HS6ST3: variants seen among roughly 807,000 people sequenced by gnomAD.
The protein encoded by HS6ST3 is heparan sulfate 6-O-sulfotransferase 3.
A neutral mutation model predicts 36.7 loss-of-function variants in HS6ST3; 12 were observed. That is an observed-to-expected ratio of 0.33 (90% confidence interval 0.21 to 0.53). HS6ST3 has a LOEUF of 0.53. Among genes scored for constraint, HS6ST3 ranks in the 20% least tolerant of loss-of-function variants. The pLI, the probability that HS6ST3 is intolerant of heterozygous loss-of-function variation, is 0.95. For missense variants in HS6ST3, 584 were observed against 640.9 expected, an observed-to-expected ratio of 0.91 and a Z score of 0.96; for synonymous variants, 240 against 257.5, an observed-to-expected ratio of 0.93 and a Z score of 0.65.
intron 1 of HS6ST3, among the ~76,000 whole-genome samples, chr13:96,496,181 CCT>C (rs1057115266): frequency 1.3e-5 from 2 of 152,180 alleles, no homozygotes; most frequent in African/African-American, 4.8e-5. Context: ...ATGCCCCACC[CCT>C]GACTACAGTG....
At chr13:96,520,529 C>T (rs2056088990) in intron 1 of HS6ST3, among the ~76,000 whole-genome samples, 1 of 152,034 alleles carries the variant, frequency 6.6e-6, no homozygotes, top group Admixed American at 6.6e-5. Context: ...TTCTTATTTC[C>T]TTGAGCAGTG....
chr13:96,436,447 G>T (rs985590467), intron 1 of HS6ST3, among the ~76,000 whole-genome samples: 6 of 152,100 alleles, frequency 3.9e-5, no homozygotes, highest in Non-Finnish European at 7.4e-5. Context: ...TTTCCTTGAT[G>T]ATTAAAAACC....
chr13:96,234,995 T>C (rs1349933737), intron 1 of HS6ST3, among the ~76,000 whole-genome samples: 1 of 152,164 alleles, frequency 6.6e-6, no homozygotes, highest in Non-Finnish European at 1.5e-5. Context: ...TACAGTATTA[T>C]TTATAATAAC....
chr13:96,591,448 T>C (rs941832181), intron 1 of HS6ST3, among the ~76,000 whole-genome samples: 20 of 152,240 alleles, frequency 1.3e-4, no homozygotes, highest in South Asian at 4.1e-4. Context: ...TTTAAGTTTA[T>C]GTGCAGCTAT....
intron 1 of HS6ST3, among the ~76,000 whole-genome samples, chr13:96,402,079 A>G (rs553578748): frequency 9.8e-5 from 15 of 152,318 alleles, no homozygotes; most frequent in Admixed American, 8.5e-4. Context: ...AGTAGCTGAG[A>G]TTACACACAG....
chr13:96,254,158 G>C (rs1308445793), intron 1 of HS6ST3, among the ~76,000 whole-genome samples: 1 of 151,816 alleles, frequency 6.6e-6, no homozygotes, highest in East Asian at 1.9e-4. Flanking sequence ...GCTCATGCCT[G>C]TAATCCCAGC....
chr13:96,137,040 CTA>C (rs2054005854), intron 1 of HS6ST3, among the ~76,000 whole-genome samples: 1 of 152,062 alleles, frequency 6.6e-6, no homozygotes, highest in African/African-American at 2.4e-5. Flanking sequence ...TGAAATATAA[CTA>C]ATATATGATG....
intron 1 of HS6ST3, among the ~76,000 whole-genome samples, chr13:96,397,789 A>G (rs2055429644): frequency 6.6e-6 from 1 of 152,250 alleles, no homozygotes; most frequent in Non-Finnish European, 1.5e-5. Flanking sequence ...GATATGGCTT[A>G]GTAAGCACTT....
chr13:96,305,137 A>C (rs2054906031), intron 1 of HS6ST3, among the ~76,000 whole-genome samples: 1 of 152,262 alleles, frequency 6.6e-6, no homozygotes, highest in South Asian at 2.1e-4. Context: ...CATTGTATAC[A>C]TGGATCTTAT....
chr13:96,787,418 T>A (rs537576964), intron 1 of HS6ST3, among the ~76,000 whole-genome samples: 17 of 152,146 alleles, frequency 1.1e-4, no homozygotes, highest in African/African-American at 3.9e-4. Context: ...CTTTTATGCA[T>A]GCATGTATGT....
chr13:96,566,483 A>T (rs1043327172), intron 1 of HS6ST3, among the ~76,000 whole-genome samples: 1 of 151,942 alleles, frequency 6.6e-6, no homozygotes, highest in Non-Finnish European at 1.5e-5. Context: ...CAAATATTTG[A>T]CTCTAGTAGA....
intron 1 of HS6ST3, among the ~76,000 whole-genome samples, chr13:96,703,272 T>C (rs1169889090): frequency 3.9e-5 from 6 of 152,222 alleles, no homozygotes; most frequent in Non-Finnish European, 7.3e-5. Flanking sequence ...TTGCCCATCA[T>C]TGATGCTTTT....
chr13:96,283,078 C>T (rs1390550895), intron 1 of HS6ST3, among the ~76,000 whole-genome samples: 1 of 152,176 alleles, frequency 6.6e-6, no homozygotes, highest in African/African-American at 2.4e-5. Flanking sequence ...CATCTGCTAT[C>T]CCAGACTCAA....
chr13:96,487,985 C>A (rs1032896755), intron 1 of HS6ST3, among the ~76,000 whole-genome samples: 4 of 152,108 alleles, frequency 2.6e-5, no homozygotes, highest in Admixed American at 2.0e-4. Flanking sequence ...ACATCACATA[C>A]AAATTAACTC....
intron 1 of HS6ST3, among the ~76,000 whole-genome samples, chr13:96,482,456 CTTT>C (rs778614894): frequency 7.1e-6 from 1 of 140,548 alleles, no homozygotes; most frequent in Admixed American, 7.2e-5. Flanking sequence ...TTTTATTTTT[CTTT>C]TTTTTTTTTT....
chr13:96,560,840 A>T (rs917300220), intron 1 of HS6ST3, among the ~76,000 whole-genome samples: 1 of 152,174 alleles, frequency 6.6e-6, no homozygotes, highest in Non-Finnish European at 1.5e-5. Flanking sequence ...GATTTCTACA[A>T]GATCTCTACA....
At chr13:96,098,974 C>T (rs997860052) in intron 1 of HS6ST3, among the ~76,000 whole-genome samples, 6 of 152,162 alleles carry the variant, frequency 3.9e-5, no homozygotes, top group Admixed American at 1.3e-4. Flanking sequence ...GATGGAGTCT[C>T]GCTCTGTCAC....
At chr13:96,728,195 A>C (rs1295179208) in intron 1 of HS6ST3, among the ~76,000 whole-genome samples, 1 of 152,196 alleles carries the variant, frequency 6.6e-6, no homozygotes. Flanking sequence ...ATACAAAATA[A>C]ATAAGTAAAG....
At chr13:96,429,528 T>G (rs2055604222) in intron 1 of HS6ST3, among the ~76,000 whole-genome samples, 1 of 152,226 alleles carries the variant, frequency 6.6e-6, no homozygotes, top group African/African-American at 2.4e-5. Flanking sequence ...GCACAATAAT[T>G]GTTAGTTTGA....
Sources: allele counts gnomAD v4.1 joint callset (sites outside exome capture counted in the v4.1 genomes callset), GRCh38; gene constraint gnomAD v4.1.1; transcripts MANE v1.5; gene names NCBI Gene and HGNC (gene_info 2026-07-23, HGNC 2026-07-21).